Variants in NRP1 observed in about 807,000 individuals in gnomAD.
NRP1 encodes neuropilin-1.
Under a neutral mutation model 106.7 loss-of-function variants are expected in NRP1, and 35 were observed. The ratio of observed to expected loss-of-function variants is 0.33; its 90% confidence interval spans 0.25 to 0.43. NRP1 has a LOEUF of 0.43. Among genes scored for constraint, NRP1 ranks in the 20% least tolerant of loss-of-function variants. The probability of loss-of-function intolerance (pLI) is 1.00; values close to 1 mark genes in which losing one functional copy is unlikely to be tolerated. For missense variants in NRP1, 1,024 were observed against 1,170.4 expected (o/e 0.87, Z 1.83); for synonymous variants, 437 against 417.9 (o/e 1.05, Z -0.56).
intron 13 of NRP1, among the ~76,000 whole-genome samples, chr10:33,190,330 T>C (rs2132619765): frequency 6.6e-6 from 1 of 152,348 alleles, no homozygotes; most frequent in Non-Finnish European, 1.5e-5. Flanking sequence ...TAATTGCATT[T>C]AGTTAATTTG....
chr10:33,334,037 C>G (rs1250528635), intron 1 of NRP1, among the ~76,000 whole-genome samples: 1 of 152,176 alleles, frequency 6.6e-6, no homozygotes, highest in African/African-American at 2.4e-5. Flanking sequence ...GCATGCTGAT[C>G]TGGGAAGGTA....
Position 33,182,746 on chromosome 10 carries a change from G to T in NRP1, c.2434C>A (p.Pro812Thr). Reference sequence around the variant, plus strand: ...GGGTTCTTTTTATCCAGGTCTGCTGGTTCTGACAAGTCAAACAAAATTGAA... The same window carrying T: ...GGGTTCTTTTTATCCAGGTCTGCTGTTTCTGACAAGTCAAACAAAATTGAA... The part of the protein sequence containing the change: ...NHISQEDCAK[P>T]ADLDKKNPEI... Residue 812 changes from proline (P) to threonine (T), a missense_variant and splice_region_variant, in exon 16 of 17, where the codon CCA becomes ACA. This residue lies in a region of NRP1 where 164 missense variants were observed against 161.4 expected (regional missense o/e 1.02). Coordinates refer to ENST00000374867, the MANE Select transcript of NRP1 (RefSeq NM_003873.7). The T allele has an allele frequency of 6.2e-7, 1 of 1,611,470 alleles. No individual in the cohort carries two copies.
At chr10:33,244,626 T>G (rs1841279670) in intron 6 of NRP1, among the ~76,000 whole-genome samples, 1 of 152,220 alleles carries the variant, frequency 6.6e-6, no homozygotes, top group Non-Finnish European at 1.5e-5. Flanking sequence ...TGTGTTGCTA[T>G]TTAGGTTACA....
At chr10:33,278,973 T>C (rs1843912148) in intron 2 of NRP1, among the ~76,000 whole-genome samples, 1 of 151,974 alleles carries the variant, frequency 6.6e-6, no homozygotes, top group African/African-American at 2.4e-5. Flanking sequence ...AAACAAAATA[T>C]CAAAGAAAAA....
intron 2 of NRP1, among the ~76,000 whole-genome samples, chr10:33,327,938 A>G (rs1297689985): frequency 6.6e-6 from 1 of 152,130 alleles, no homozygotes; most frequent in Non-Finnish European, 1.5e-5. Context: ...TTTTCCATGG[A>G]TCTAATCTCC....
At chr10:33,297,352 G>A (rs1845463586) in intron 2 of NRP1, among the ~76,000 whole-genome samples, 2 of 152,062 alleles carry the variant, frequency 1.3e-5, no homozygotes, top group African/African-American at 4.8e-5. Context: ...ACATTACTGG[G>A]GCCTCTGAAA....
intron 6 of NRP1, among the ~76,000 whole-genome samples, chr10:33,230,595 ATATGTGTGTG>A (rs1485961050): frequency 1.7e-3 from 201 of 116,772 alleles, no homozygotes; most frequent in African/African-American, 7.2e-3. Context: ...AGTTTCTCAT[ATATGTGTGTG>A]TGTGTGTGTG....
At chr10:33,220,922 A>AAAAAAAAC (rs1554783052) in intron 8 of NRP1, among the ~76,000 whole-genome samples, 3 of 149,588 alleles carry the variant, frequency 2.0e-5, no homozygotes, top group Non-Finnish European at 4.5e-5. Flanking sequence ...AAAAAAAAAA[A>AAAAAAAAC]AGAAAAACAA....
At chr10:33,228,569 G>A (rs2132963101) in intron 6 of NRP1, among the ~76,000 whole-genome samples, 1 of 152,284 alleles carries the variant, frequency 6.6e-6, no homozygotes, top group Admixed American at 6.5e-5. Flanking sequence ...GCCTCATGGA[G>A]GCATATTGTC....
chr10:33,325,772 AG>A (rs1847842304), intron 2 of NRP1, among the ~76,000 whole-genome samples: 1 of 152,210 alleles, frequency 6.6e-6, no homozygotes, highest in Admixed American at 6.5e-5. Flanking sequence ...CGAAGTTACA[AG>A]TATGCGATCT....
chr10:33,182,687 G>T lies in NRP1; in HGVS notation c.2482+11C>A. 1 of 1,607,954 alleles carries T rather than the reference G, an allele frequency of 6.2e-7. No homozygotes were observed. The highest frequency in any genetic ancestry group is 8.5e-7 in the Non-Finnish European group (1 of 1,175,804). ...AAATTTTTTAAAAATTGGTCAGCAAGACAAATTTACCTGTTTCATCAATTT... is the reference window on the plus strand; with the variant it reads ...AAATTTTTTAAAAATTGGTCAGCAATACAAATTTACCTGTTTCATCAATTT... On this transcript the variant is annotated intron_variant, in intron 16 of 16. Transcript: ENST00000374867.
At chr10:33,254,506 T>A (rs890609147) in intron 5 of NRP1, among the ~76,000 whole-genome samples, 1 of 152,250 alleles carries the variant, frequency 6.6e-6, no homozygotes, top group Non-Finnish European at 1.5e-5. Context: ...TTTGTAACTA[T>A]CTGTGACTCT....
At chr10:33,198,093 G>C (rs1836927005) in intron 11 of NRP1, among the ~76,000 whole-genome samples, 1 of 133,978 alleles carries the variant, frequency 7.5e-6, no homozygotes, top group Admixed American at 7.4e-5. Context: ...TTTTTGGTGA[G>C]AACACTTAAA....
chr10:33,323,369 C>T (rs1264394553), intron 2 of NRP1, among the ~76,000 whole-genome samples: 1 of 152,010 alleles, frequency 6.6e-6, no homozygotes, highest in Non-Finnish European at 1.5e-5. Context: ...AGGAGGAAGA[C>T]CACGTTATAA....
At chr10:33,258,794 T>C (rs1213837663) in intron 4 of NRP1, among the ~76,000 whole-genome samples, 1 of 152,130 alleles carries the variant, frequency 6.6e-6, no homozygotes, top group Non-Finnish European at 1.5e-5. Flanking sequence ...GTCCATAACA[T>C]ACACATGAAA....
At chr10:33,192,087 C>T (rs1275248467) in intron 13 of NRP1, among the ~76,000 whole-genome samples, 194 bp downstream of exon 13, 5 of 151,150 alleles carry the variant, frequency 3.3e-5, no homozygotes, top group African/African-American at 4.9e-5. Context: ...AGGGGCATTA[C>T]TATGATTTGC....
Position 33,178,817 on chromosome 10 carries a change from C to T in NRP1, c.*1259G>A, listed in dbSNP as rs1393989283. 1.3e-5 allele frequency: 2 copies of T among 152,632 alleles called. No homozygotes were observed. Among genetic ancestry groups the T allele is most frequent in the African/African-American group, 2.4e-5 (1 of 41,448 alleles). 9.5% of individuals were successfully genotyped at this position (152,632 alleles called of 1,614,324 possible). On this transcript the variant is annotated 3_prime_UTR_variant, in exon 17 of 17. Coordinates refer to ENST00000374867, the MANE Select transcript of NRP1 (RefSeq NM_003873.7). Reference sequence around the variant, plus strand: ...ATAGAATAGATAAGGAAAAAAGATACTGTCACTTTAACCAGTTAACAAGAA... The same window carrying T: ...ATAGAATAGATAAGGAAAAAAGATATTGTCACTTTAACCAGTTAACAAGAA...
intron 13 of NRP1, among the ~76,000 whole-genome samples, chr10:33,190,999 G>A (rs185444667): frequency 7.3e-5 from 11 of 149,926 alleles, no homozygotes; most frequent in Admixed American, 4.6e-4. Flanking sequence ...ACAAGTGTGC[G>A]CCCTTATGCC....
At chr10:33,223,438 TAGTG>T (rs1839413339) in intron 7 of NRP1, among the ~76,000 whole-genome samples, 2 of 150,262 alleles carry the variant, frequency 1.3e-5, no homozygotes, top group Admixed American at 1.3e-4. Context: ...CTGGGCAACA[TAGTG>T]AGACTCCATC....
Sources: gnomAD v4.1 joint callset for allele counts (sites outside exome capture counted in the v4.1 genomes callset) on GRCh38, gnomAD v4.1.1 for gene constraint, gnomAD v4.1.1 regional missense constraint, MANE v1.5 for transcripts, NCBI Gene and HGNC (gene_info 2026-07-23, HGNC 2026-07-21) for gene names.